RIMS2: variants seen among roughly 807,000 people sequenced by gnomAD.
RIMS2 encodes regulating synaptic membrane exocytosis protein 2.
Under a neutral mutation model 174.4 loss-of-function variants are expected in RIMS2, and 59 were observed. That is an observed-to-expected ratio of 0.34 (90% CI 0.27 to 0.42). RIMS2 has a LOEUF of 0.42. Ranked by LOEUF, RIMS2 falls within the 10% of genes least tolerant of loss-of-function variation. The probability of loss-of-function intolerance (pLI) is 1.00; values close to 1 mark genes in which losing one functional copy is unlikely to be tolerated. For missense variants in RIMS2, 1,620 were observed against 1,666.3 expected (o/e 0.97, Z 0.48); for synonymous variants, 606 against 572.5 (o/e 1.06, Z -0.84).
chr8:103,525,649 CA>C (rs1833640500), intron 1 of RIMS2, among the ~76,000 whole-genome samples: 3 of 152,092 alleles, frequency 2.0e-5, no homozygotes, highest in Admixed American at 6.5e-5. Context: ...ACTAGACAGG[CA>C]AAAATGACAA....
intron 18 of RIMS2, 46 bp downstream of exon 20, chr8:104,013,667 C>T: frequency 6.6e-7 from 1 of 1,512,748 alleles, no homozygotes; most frequent in East Asian, 2.3e-5. Flanking sequence ...GCCCCACCAG[C>T]ACACCATTTT....
chr8:104,229,163 T>A (rs1474689501), intron 19 of RIMS2, among the ~76,000 whole-genome samples: 1 of 152,188 alleles, frequency 6.6e-6, no homozygotes, highest in African/African-American at 2.4e-5. Context: ...ATCTTATATA[T>A]AATGACTTAT....
chr8:103,583,785 G>A (rs1477516108), intron 1 of RIMS2, among the ~76,000 whole-genome samples: 1 of 152,172 alleles, frequency 6.6e-6, no homozygotes, highest in Non-Finnish European at 1.5e-5. Context: ...ACTAGAACTA[G>A]CCTCAAAAGG....
At chr8:103,775,901 A>G (rs992812949) in intron 3 of RIMS2, among the ~76,000 whole-genome samples, 4 of 152,210 alleles carry the variant, frequency 2.6e-5, no homozygotes, top group Non-Finnish European at 4.4e-5. Flanking sequence ...TCTATTTTCA[A>G]CTGAATTAAA....
chr8:104,234,834 C>T (rs917639124), intron 19 of RIMS2, among the ~76,000 whole-genome samples: 2 of 152,092 alleles, frequency 1.3e-5, no homozygotes, highest in Non-Finnish European at 2.9e-5. Flanking sequence ...AGGATCAAGA[C>T]ACACAAGAGG....
chr8:104,185,029 G>A (rs960007724), intron 19 of RIMS2, among the ~76,000 whole-genome samples: 4 of 151,342 alleles, frequency 2.6e-5, no homozygotes, highest in Non-Finnish European at 5.9e-5. Flanking sequence ...TGACTGGCGG[G>A]TTATAAAATA....
In RIMS2 at chr8:103,701,895, G is replaced by A. The variant is rs148585361; in HGVS notation, c.387+4599G>A. The stretch of plus-strand genomic sequence containing the variant: ...TTGTGAATAGGCTTCAATAAACAGA[G>A]TAATACAGGTATCTCTTCAGTATGT... On this transcript the variant is annotated intron_variant, in intron 2 of 23. Transcript: ENST00000504942. 5.2e-3 allele frequency among the ~76,000 whole-genome samples: 788 copies of A among 152,174 alleles called. 8 individuals are homozygous for A. Among genetic ancestry groups the A allele is most frequent in the African/African-American group, 0.018 (736 of 41,530 alleles).
chr8:103,681,241 C>T (rs1332252569), intron 1 of RIMS2, among the ~76,000 whole-genome samples: 1 of 151,822 alleles, frequency 6.6e-6, no homozygotes, highest in East Asian at 1.9e-4. Context: ...AGAATAGGGA[C>T]AATAATATGA....
At chr8:104,035,254 T>G (rs1015875220) in intron 19 of RIMS2, among the ~76,000 whole-genome samples, 5 of 81,826 alleles carry the variant, frequency 6.1e-5, no homozygotes, top group Admixed American at 3.2e-4. Context: ...AAATAACTGT[T>G]TTTTTTTTTG....
intron 1 of RIMS2, among the ~76,000 whole-genome samples, chr8:103,527,153 T>C (rs916368955): frequency 4.6e-5 from 7 of 152,090 alleles, no homozygotes; most frequent in Non-Finnish European, 7.4e-5. Flanking sequence ...TTATGTCCAA[T>C]GAAAATAGCA....
intron 1 of RIMS2, among the ~76,000 whole-genome samples, chr8:103,678,049 G>T (rs940148139): frequency 6.6e-6 from 1 of 152,116 alleles, no homozygotes; most frequent in African/African-American, 2.4e-5. Context: ...GATGTATGGC[G>T]AAACCTTTAG....
intron 1 of RIMS2, among the ~76,000 whole-genome samples, chr8:103,694,770 C>T (rs576095230): frequency 6.6e-6 from 1 of 152,300 alleles, no homozygotes; most frequent in South Asian, 2.1e-4. Flanking sequence ...ACTGCAGGGC[C>T]TGGCCTGATA....
intron 6 of RIMS2, among the ~76,000 whole-genome samples, chr8:103,913,223 C>T (rs550356095): frequency 6.6e-6 from 1 of 151,682 alleles, no homozygotes; most frequent in African/African-American, 2.4e-5. Context: ...TGTGATCCGC[C>T]CACCATGACC....
At chr8:104,131,742 G>T (rs929351307) in intron 19 of RIMS2, among the ~76,000 whole-genome samples, 12 of 152,092 alleles carry the variant, frequency 7.9e-5, no homozygotes, top group Non-Finnish European at 1.8e-4. Flanking sequence ...AAAGGGAAAG[G>T]CAAGAGAGAA....
chr8:103,822,467 TAA>T (rs1258067875), intron 3 of RIMS2, among the ~76,000 whole-genome samples: 1 of 151,578 alleles, frequency 6.6e-6, no homozygotes, highest in Non-Finnish European at 1.5e-5. Context: ...TATAGATTCT[TAA>T]GTGAATTAAT....
At chr8:104,024,186 T>C (rs1255316948) in intron 19 of RIMS2, among the ~76,000 whole-genome samples, 1 of 152,188 alleles carries the variant, frequency 6.6e-6, no homozygotes, top group Non-Finnish European at 1.5e-5. Flanking sequence ...AAACTTCTTG[T>C]TCACTTGGCT....
chr8:103,569,535 C>G (rs1451394430), intron 1 of RIMS2, among the ~76,000 whole-genome samples: 3 of 151,922 alleles, frequency 2.0e-5, no homozygotes, highest in Non-Finnish European at 4.4e-5. Context: ...TAATTTTTTC[C>G]CAATAATGAT....
intron 12 of RIMS2, among the ~76,000 whole-genome samples, chr8:103,933,119 C>T (rs997875145): frequency 2.0e-5 from 3 of 151,978 alleles, no homozygotes; most frequent in East Asian, 3.9e-4. Flanking sequence ...GGTGAAACCC[C>T]GTCTCTACTA....
chr8:104,185,560 A>G (rs1018105208), intron 19 of RIMS2, among the ~76,000 whole-genome samples: 1 of 151,664 alleles, frequency 6.6e-6, no homozygotes, highest in Non-Finnish European at 1.5e-5. Flanking sequence ...ACTTCAAACA[A>G]TAAAGTGAGC....
Sources: allele counts gnomAD v4.1 joint callset (sites outside exome capture counted in the v4.1 genomes callset), GRCh38; gene constraint gnomAD v4.1.1; transcripts MANE v1.5; gene names NCBI Gene and HGNC (gene_info 2026-07-23, HGNC 2026-07-21).